Variants in GET4 observed in about 807,000 individuals in gnomAD.
GET4 encodes guided entry of tail-anchored proteins factor 4.
In GET4, 20 loss-of-function variants were observed where a neutral mutation model predicts 40.0. The ratio of observed to expected loss-of-function variants is 0.50; its 90% CI spans 0.35 to 0.73. GET4 has a LOEUF of 0.73. Ranked by LOEUF, GET4 falls within the 30% of genes least tolerant of loss-of-function variation. GET4 has a pLI of 0.01. For synonymous variants in GET4, 280 were observed against 194.6 expected, an observed-to-expected ratio of 1.44 and a Z score of -3.65; for missense variants, 557 against 454.0, an observed-to-expected ratio of 1.23 and a Z score of -2.06.
At chr7:883,380 C>T (rs1337329458) in intron 1 of GET4, 10 of 339,390 alleles carry the variant, frequency 2.9e-5, no homozygotes, top group Non-Finnish European at 3.3e-5. Context: ...GAGAGAAGGG[C>T]GGGATTCGCC....
chr7:893,968 C>T lies in GET4; in HGVS notation c.892C>T (p.Leu298Phe), dbSNP rs1272363934. The T allele has an allele frequency of 1.9e-6, 3 of 1,590,484 alleles. No homozygotes were observed. The highest frequency in any genetic ancestry group is 2.6e-6 in the Non-Finnish European group (3 of 1,166,362). ...GCAGACGTCTTCCTACGGGGGCCTG[C>T]TCGGTAAGCCGGGGCGCCCTTGTCA... The part of the protein sequence containing the change: ...PKQTSSYGGL[L>F]GNLLTSLMGS... Residue 298 changes from leucine to phenylalanine, a missense_variant, in exon 8 of 9, where the codon CTC (leucine) becomes TTC (phenylalanine). Leu to Phe is a conservative substitution (Grantham distance 22). Transcript: ENST00000265857.
intron 1 of GET4, chr7:878,223 C>A (rs1445187153): frequency 2.1e-6 from 1 of 470,060 alleles, no homozygotes; most frequent in Non-Finnish European, 4.4e-6. Flanking sequence ...ACTGTGACCG[C>A]TTGGAAGTTC....
chr7:891,240 C>G (rs1388511195), intron 5 of GET4, among the ~76,000 whole-genome samples, 174 bp downstream of exon 5: 1 of 152,218 alleles, frequency 6.6e-6, no homozygotes, highest in Non-Finnish European at 1.5e-5. Context: ...ATAAGTTTAA[C>G]CAATGTTAAG....
chr7:890,513 G>C (rs2128628896), intron 4 of GET4, among the ~76,000 whole-genome samples: 1 of 152,200 alleles, frequency 6.6e-6, no homozygotes, highest in African/African-American at 2.4e-5. Flanking sequence ...GGTCAGTGTG[G>C]TGAGAACATC....
At chr7:887,722 G>A (rs953364171) in intron 4 of GET4, among the ~76,000 whole-genome samples, 2 of 152,226 alleles carry the variant, frequency 1.3e-5, no homozygotes, top group Non-Finnish European at 1.5e-5. Flanking sequence ...GAGAAGGGGG[G>A]CAGGCGGCCG....
At chr7:877,060 C>T (rs376824215) in intron 1 of GET4, among the ~76,000 whole-genome samples, 2 of 151,748 alleles carry the variant, frequency 1.3e-5, no homozygotes, top group East Asian at 3.9e-4. Context: ...CCTCCTCGGC[C>T]TTCCCCTACT....
chr7:892,247 C>G lies in GET4; in HGVS notation c.606-31C>G, dbSNP rs1348503652. The G allele has an allele frequency of 6.3e-6, 10 of 1,581,934 alleles. 1 individual carries two copies. The South Asian group carries it at 1.0e-4, about 16-fold the overall frequency. The stretch of plus-strand genomic sequence containing the variant: ...GCGGGCAGAAGCTGTGTCCTCCAGC[C>G]CTTCCACCACCAGCATGTTCTCATT... On this transcript the variant is annotated intron_variant, in intron 5 of 8. Transcript: ENST00000265857.
At chr7:880,375 G>C (rs1419924111) in intron 1 of GET4, 1 of 152,224 alleles carries the variant, frequency 6.6e-6, no homozygotes, top group Non-Finnish European at 1.5e-5. Context: ...TGATTAACCA[G>C]CAAAAATGGA....
At chr7:888,149 A>G (rs1467302150) in intron 4 of GET4, among the ~76,000 whole-genome samples, 1 of 152,116 alleles carries the variant, frequency 6.6e-6, no homozygotes, top group Non-Finnish European at 1.5e-5. Context: ...TCGGGTCTGC[A>G]TGTGCCTGGG....
intron 3 of GET4, chr7:887,106 G>T: frequency 1.5e-6 from 1 of 651,626 alleles, no homozygotes; most frequent in Non-Finnish European, 2.9e-6. Flanking sequence ...AGCTGTTCCT[G>T]GACTCCAGCT....
chr7:879,298 A>G (rs1231735186), intron 1 of GET4, among the ~76,000 whole-genome samples: 1 of 152,264 alleles, frequency 6.6e-6, no homozygotes, highest in African/African-American at 2.4e-5. Context: ...CCGCGGTGCC[A>G]CGTGCTGGTG....
chr7:877,610 C>G (rs1843989158), intron 1 of GET4, among the ~76,000 whole-genome samples: 4 of 138,604 alleles, frequency 2.9e-5, no homozygotes, highest in Admixed American at 2.2e-4. Context: ...CCCTGGACCT[C>G]CCCCACCTCT....
intron 8 of GET4, 29 bp from the exon 9 acceptor site, chr7:895,305 C>A (rs759873761): frequency 5.0e-6 from 6 of 1,204,160 alleles, no homozygotes; most frequent in Non-Finnish European, 7.3e-6. Context: ...GCTGCCCAGG[C>A]GTGACTGCCA....
At chr7:884,660 CTGT>C (rs1562894035) in intron 1 of GET4, 1 of 199,100 alleles carries the variant, frequency 5.0e-6, no homozygotes, top group African/African-American at 2.4e-5. Context: ...GAGCCCTTTT[CTGT>C]GGTTAACTGA....
At chr7:892,143 T>G (rs558337883) in intron 5 of GET4, 135 bp from the exon 6 acceptor site, 35 of 780,570 alleles carry the variant, frequency 4.5e-5, no homozygotes, top group Non-Finnish European at 6.6e-5. Context: ...CGTGAAGCAC[T>G]GGGTCCCTCC....
intron 1 of GET4, chr7:881,730 G>A (rs556564403): frequency 6.6e-6 from 1 of 152,264 alleles, no homozygotes; most frequent in Admixed American, 6.5e-5. Context: ...TGGTATATAG[G>A]TAAACTAGTG....
intron 1 of GET4, chr7:878,195 A>G (rs1311214769): frequency 2.2e-6 from 1 of 463,464 alleles, no homozygotes; most frequent in Non-Finnish European, 4.5e-6. Flanking sequence ...ATGCTGGGTT[A>G]ACTGCACGCC....
At chr7:880,095 A>G (rs3757857) in intron 1 of GET4, 2 of 152,254 alleles carry the variant, frequency 1.3e-5, no homozygotes, top group Admixed American at 6.5e-5. Flanking sequence ...TAATCCCAAC[A>G]CTCTGGGAGG....
At chr7:879,418 G>A (rs149608204) in intron 1 of GET4, among the ~76,000 whole-genome samples, 260 of 152,378 alleles carry the variant, frequency 1.7e-3, no homozygotes, top group Non-Finnish European at 3.0e-3. Flanking sequence ...GTTTGTGTCG[G>A]TAGTTGTCAA....
Sources: gnomAD v4.1 joint callset for allele counts (sites outside exome capture counted in the v4.1 genomes callset) on GRCh38, gnomAD v4.1.1 for gene constraint, MANE v1.5 for transcripts, NCBI Gene and HGNC (gene_info 2026-07-23, HGNC 2026-07-21) for gene names.